CUL3: variants seen among roughly 807,000 people sequenced by gnomAD.
CUL3 encodes the protein cullin-3.
Under a neutral mutation model 89.1 loss-of-function variants are expected in CUL3, and 19 were observed. The observed-to-expected ratio is 0.21, with a 90% CI of 0.15 to 0.31. The LOEUF (loss-of-function observed/expected upper bound fraction) is 0.31. CUL3 is among the 10% of genes least tolerant of loss of function. The pLI is 1.00. For missense variants in CUL3, 469 were observed against 942.3 expected (o/e 0.50, Z 6.58); for synonymous variants, 351 against 308.4 (o/e 1.14, Z -1.45).
chr2:224,492,155 T>C (rs1014248117), intron 13 of CUL3, among the ~76,000 whole-genome samples: 2 of 152,222 alleles, frequency 1.3e-5, no homozygotes, highest in Non-Finnish European at 2.9e-5. Context: ...GAGAGCAGTA[T>C]GTCTATTTTG....
intron 1 of CUL3, among the ~76,000 whole-genome samples, chr2:224,577,528 C>T (rs1476434799): frequency 2.0e-5 from 3 of 150,930 alleles, no homozygotes; most frequent in African/African-American, 7.3e-5. Flanking sequence ...GAGATCACGC[C>T]ACTGCACTCC....
chr2:224,575,925 T>A (rs1207009815), intron 1 of CUL3, among the ~76,000 whole-genome samples: 3 of 152,164 alleles, frequency 2.0e-5, no homozygotes, highest in African/African-American at 7.2e-5. Flanking sequence ...ATAAACGTAT[T>A]TTAAATTGAA....
intron 1 of CUL3, chr2:224,563,256 T>C (rs1250538463): frequency 2.1e-6 from 1 of 471,200 alleles, no homozygotes; most frequent in Non-Finnish European, 4.4e-6. Flanking sequence ...TATACTACTT[T>C]TCCAGAGCCA....
intron 1 of CUL3, among the ~76,000 whole-genome samples, chr2:224,579,490 A>G (rs1378284727): frequency 6.6e-6 from 1 of 152,164 alleles, no homozygotes; most frequent in Admixed American, 6.5e-5. Flanking sequence ...GAAAAGAAAA[A>G]AAAAAAAAGA....
intron 2 of CUL3, 63 bp downstream of exon 2, chr2:224,557,596 T>A (rs549262662): frequency 8.6e-7 from 1 of 1,160,994 alleles, no homozygotes; most frequent in Non-Finnish European, 1.2e-6. Context: ...CAAAGTGCAA[T>A]ATGGTATAAA....
intron 13 of CUL3, among the ~76,000 whole-genome samples, chr2:224,489,212 C>T (rs1194194391): frequency 1.3e-5 from 2 of 152,306 alleles, no homozygotes; most frequent in Admixed American, 1.3e-4. Flanking sequence ...CAAGGATGCC[C>T]TCTCTCACCA....
At chr2:224,552,855 A>C (rs1159177158) in intron 2 of CUL3, among the ~76,000 whole-genome samples, 1 of 152,198 alleles carries the variant, frequency 6.6e-6, no homozygotes, top group Admixed American at 6.5e-5. Context: ...GAGCAGACCA[A>C]ACAGTAATGC....
intron 2 of CUL3, among the ~76,000 whole-genome samples, chr2:224,544,323 T>C (rs1198316433): frequency 6.6e-6 from 1 of 152,348 alleles, no homozygotes; most frequent in East Asian, 1.9e-4. Flanking sequence ...TCTTTCTGGC[T>C]CTAAATTCCA....
chr2:224,501,597 T>A (rs922018027), intron 10 of CUL3, among the ~76,000 whole-genome samples: 1 of 152,212 alleles, frequency 6.6e-6, no homozygotes, highest in African/African-American at 2.4e-5. Context: ...CAAGAAGCAT[T>A]CTACACTCCG....
At position 224,535,594 on chromosome 2, in the gene CUL3, C is replaced by T. The variant is rs377001338; in HGVS notation, c.312G>A (p.Thr104=). ...GATGATCATTCCAAGCTTGATTTAG[C>T]GTTTGAAGAAAGTTGTTATTCAATG... ...LNSLNNNFLQ[T]LNQAWNDHQT... is the part of the protein sequence containing the mutation. Residue 104 remains threonine (T), a synonymous_variant, in exon 3 of 16, where the codon ACG becomes ACA. Coordinates refer to ENST00000264414, the MANE Select transcript of CUL3 (RefSeq NM_003590.5). The T allele has an allele frequency of 1.2e-6, 2 of 1,612,668 alleles. No individual in the cohort carries two copies. The highest frequency in any genetic ancestry group is 1.1e-5 in the South Asian group (1 of 90,838).
chr2:224,567,269 G>A (rs539860598), intron 1 of CUL3, among the ~76,000 whole-genome samples: 2 of 152,324 alleles, frequency 1.3e-5, no homozygotes, highest in Admixed American at 6.5e-5. Flanking sequence ...CAAGGCTGGA[G>A]TGCAGAGGTG....
intron 1 of CUL3, among the ~76,000 whole-genome samples, chr2:224,583,058 G>C (rs1259159972): frequency 6.6e-6 from 1 of 152,178 alleles, no homozygotes; most frequent in South Asian, 2.1e-4. Context: ...ATTGAGTAGT[G>C]TAAGGCTGCA....
chr2:224,493,312 A>G (rs985321092), intron 13 of CUL3, among the ~76,000 whole-genome samples: 1 of 152,216 alleles, frequency 6.6e-6, no homozygotes, highest in African/African-American at 2.4e-5. Flanking sequence ...AACTATCTCC[A>G]CTAATTTGTG....
At chr2:224,493,414 C>A (rs575458156) in intron 13 of CUL3, among the ~76,000 whole-genome samples, 1 of 152,312 alleles carries the variant, frequency 6.6e-6, no homozygotes, top group South Asian at 2.1e-4. Context: ...ATTTCTTGTG[C>A]CTTCTCACAA....
chr2:224,526,173 G>A (rs920955477), intron 3 of CUL3, among the ~76,000 whole-genome samples: 3 of 152,208 alleles, frequency 2.0e-5, no homozygotes, highest in Non-Finnish European at 2.9e-5. Context: ...TAATGACAAA[G>A]CAGGAACTAG....
chr2:224,500,550 T>A lies in CUL3; in HGVS notation c.1486-63A>T. The A allele has an allele frequency of 2.0e-6, 3 of 1,534,554 alleles. No homozygotes were observed. The Admixed American group carries it at 5.2e-5, about 26-fold the overall frequency. On this transcript the variant is annotated intron_variant, in intron 10 of 15. Transcript: ENST00000264414. ...ACTAGGATTTGCTTTCTGTTCTGTT[T>A]AGACATTGTGTTAGATTTACCAAAG...
intron 6 of CUL3, among the ~76,000 whole-genome samples, chr2:224,508,266 C>T (rs1036894121): frequency 7.9e-5 from 12 of 152,142 alleles, no homozygotes; most frequent in Non-Finnish European, 1.6e-4. Context: ...AACTTTATTT[C>T]AGTGACTTTC....
intron 2 of CUL3, among the ~76,000 whole-genome samples, chr2:224,546,441 T>G (rs1211332090): frequency 1.3e-5 from 2 of 151,788 alleles, no homozygotes; most frequent in Admixed American, 1.3e-4. Context: ...TAGGGAGAGG[T>G]ATTACCCCAC....
At chr2:224,479,814 A>G (rs1185055275) in intron 14 of CUL3, 1 of 152,334 alleles carries the variant, frequency 6.6e-6, no homozygotes, top group East Asian at 1.9e-4. Flanking sequence ...GGATTTGAAA[A>G]CAAAAAATAC....
Sources: allele counts gnomAD v4.1 joint callset (sites outside exome capture counted in the v4.1 genomes callset), GRCh38; gene constraint gnomAD v4.1.1; transcripts MANE v1.5; gene names NCBI Gene and HGNC (gene_info 2026-07-23, HGNC 2026-07-21).